OXR1: variants seen among roughly 807,000 people sequenced by gnomAD.
The protein encoded by OXR1 is oxidation resistance protein 1.
In OXR1, 41 loss-of-function variants were observed where a neutral mutation model predicts 104.6. That is an observed-to-expected ratio of 0.39 (90% CI 0.31 to 0.51). OXR1 has a LOEUF of 0.51. Ranked by LOEUF, OXR1 falls within the 20% of genes least tolerant of loss-of-function variation. The pLI, the probability that OXR1 is intolerant of heterozygous loss-of-function variation, is 0.77. For missense variants in OXR1, 955 were observed against 1,031.9 expected (o/e 0.93, Z 1.02); for synonymous variants, 348 against 348.4 (o/e 1.00, Z 0.01).
chr8:106,387,683 G>C (rs1817430876), intron 2 of OXR1, among the ~76,000 whole-genome samples: 1 of 152,108 alleles, frequency 6.6e-6, no homozygotes, highest in Non-Finnish European at 1.5e-5. Flanking sequence ...TAAGTCTAGG[G>C]TTGCATCTCT....
chr8:106,527,523 T>C (rs1251725916), intron 3 of OXR1, among the ~76,000 whole-genome samples: 1 of 152,228 alleles, frequency 6.6e-6, no homozygotes, highest in African/African-American at 2.4e-5. Flanking sequence ...GAAGTTGTAA[T>C]TCTGTATGAT....
chr8:106,698,301 A>G (rs1439385939), intron 7 of OXR1, among the ~76,000 whole-genome samples: 4 of 152,140 alleles, frequency 2.6e-5, no homozygotes, highest in Non-Finnish European at 4.4e-5. Context: ...AAATGTGTCT[A>G]TCTTTGGTTG....
At chr8:106,723,723 GATTT>G (rs893787896) in intron 11 of OXR1, among the ~76,000 whole-genome samples, 73 of 151,922 alleles carry the variant, frequency 4.8e-4, no homozygotes, top group African/African-American at 1.6e-3. Flanking sequence ...GTCAGAAGAG[GATTT>G]ATGGGTGACA....
chr8:106,332,192 A>T (rs1814746241), intron 1 of OXR1, among the ~76,000 whole-genome samples: 1 of 152,178 alleles, frequency 6.6e-6, no homozygotes, highest in Non-Finnish European at 1.5e-5. Flanking sequence ...TGAAAAATTT[A>T]GGATGCTCAC....
chr8:106,574,073 C>A (rs1292719318), intron 3 of OXR1, among the ~76,000 whole-genome samples: 1 of 152,130 alleles, frequency 6.6e-6, no homozygotes, highest in African/African-American at 2.4e-5. Context: ...TGGGAAATGG[C>A]TACTAAATAT....
At chr8:106,693,010 C>T (rs1332486986) in intron 7 of OXR1, 133 bp downstream of exon 7, 1 of 550,526 alleles carries the variant, frequency 1.8e-6, no homozygotes, top group Non-Finnish European at 3.0e-6. Flanking sequence ...ACTAGTGATA[C>T]TATTATTTTG....
chr8:106,699,740 G>A (rs1240460544), intron 7 of OXR1, among the ~76,000 whole-genome samples: 2 of 152,156 alleles, frequency 1.3e-5, no homozygotes, highest in Non-Finnish European at 1.5e-5. Flanking sequence ...GTTATAGGCT[G>A]GCTCTGTGCA....
chr8:106,457,891 A>G (rs958358220), intron 2 of OXR1, among the ~76,000 whole-genome samples: 1 of 152,216 alleles, frequency 6.6e-6, no homozygotes, highest in African/African-American at 2.4e-5. Flanking sequence ...TATCTGGTGG[A>G]AGAAAATTTT....
intron 2 of OXR1, among the ~76,000 whole-genome samples, chr8:106,496,272 A>G (rs924098512): frequency 1.3e-5 from 2 of 152,154 alleles, no homozygotes; most frequent in Admixed American, 6.6e-5. Flanking sequence ...CTGAACCAGA[A>G]ACTCTGGGAG....
intron 2 of OXR1, among the ~76,000 whole-genome samples, chr8:106,428,889 C>G (rs950442112): frequency 6.6e-6 from 1 of 152,064 alleles, no homozygotes. Flanking sequence ...ACAGTATATA[C>G]GAGACTCATG....
At chr8:106,333,153 A>G (rs74707257) in intron 1 of OXR1, among the ~76,000 whole-genome samples, 16 of 152,184 alleles carry the variant, frequency 1.1e-4, no homozygotes, top group African/African-American at 3.9e-4. Flanking sequence ...TCTTGTATGG[A>G]TACCTAGGAA....
intron 6 of OXR1, among the ~76,000 whole-genome samples, chr8:106,686,768 A>C (rs759851737): frequency 6.6e-6 from 1 of 152,220 alleles, no homozygotes; most frequent in Non-Finnish European, 1.5e-5. Flanking sequence ...CTTTGTCGGC[A>C]TAAAGACTTT....
intron 3 of OXR1, among the ~76,000 whole-genome samples, chr8:106,674,500 A>G (rs1388643085): frequency 3.3e-5 from 5 of 152,048 alleles, no homozygotes; most frequent in African/African-American, 1.2e-4. Context: ...AAGACTTTGG[A>G]CTTGGATTTT....
At chr8:106,343,518 A>T (rs1469724698) in intron 1 of OXR1, among the ~76,000 whole-genome samples, 1 of 152,188 alleles carries the variant, frequency 6.6e-6, no homozygotes, top group Non-Finnish European at 1.5e-5. Flanking sequence ...CAGCTGTATA[A>T]TGTCTCAACT....
chr8:106,620,260 T>A (rs2130841136), intron 3 of OXR1, among the ~76,000 whole-genome samples: 1 of 152,308 alleles, frequency 6.6e-6, no homozygotes, highest in Admixed American at 6.5e-5. Context: ...AAATTTTAAC[T>A]TTTTAAAATC....
chr8:106,506,428 A>T (rs985735019), intron 2 of OXR1, among the ~76,000 whole-genome samples: 1 of 152,148 alleles, frequency 6.6e-6, no homozygotes, highest in African/African-American at 2.4e-5. Flanking sequence ...CCTGGCTAAC[A>T]TGGTGAAACC....
chr8:106,680,316 G>A (rs1279150938), intron 4 of OXR1, among the ~76,000 whole-genome samples: 1 of 151,952 alleles, frequency 6.6e-6, no homozygotes, highest in Non-Finnish European at 1.5e-5. Context: ...TTTTTTATAG[G>A]TAACCTTTAA....
chr8:106,365,754 A>G (rs1305539458), intron 2 of OXR1, among the ~76,000 whole-genome samples: 1 of 152,190 alleles, frequency 6.6e-6, no homozygotes, highest in Non-Finnish European at 1.5e-5. Context: ...GACATTTATA[A>G]GAGACTTGGA....
chr8:106,308,905 A>G (rs1428472800), intron 1 of OXR1, among the ~76,000 whole-genome samples: 1 of 152,202 alleles, frequency 6.6e-6, no homozygotes, highest in East Asian at 1.9e-4. Flanking sequence ...GCTTGACACA[A>G]TATGTGACTT....
Sources: gnomAD v4.1 joint callset for allele counts (sites outside exome capture counted in the v4.1 genomes callset) on GRCh38, gnomAD v4.1.1 for gene constraint, MANE v1.5 for transcripts, NCBI Gene and HGNC (gene_info 2026-07-23, HGNC 2026-07-21) for gene names.